The following FSTL4 variants were observed in gnomAD, a reference collection of about 807,000 sequenced individuals.
FSTL4 encodes the protein follistatin-related protein 4.
A neutral mutation model predicts 78.2 loss-of-function variants in FSTL4; 28 were observed. The observed-to-expected ratio is 0.36, with a 90% confidence interval of 0.27 to 0.49. The LOEUF (loss-of-function observed/expected upper bound fraction) is 0.49, where lower values mean the gene tolerates loss of function less well. Among genes scored for constraint, FSTL4 ranks in the 20% least tolerant of loss-of-function variants. The pLI is 0.98. For synonymous variants in FSTL4, 422 were observed against 440.5 expected, an observed-to-expected ratio of 0.96 and a Z score of 0.53; for missense variants, 922 against 1,084.9, an observed-to-expected ratio of 0.85 and a Z score of 2.11.
chr5:133,352,163 C>T (rs1561682757), intron 4 of FSTL4, among the ~76,000 whole-genome samples: 1 of 151,386 alleles, frequency 6.6e-6, no homozygotes, highest in Non-Finnish European at 1.5e-5. Flanking sequence ...GAGCATAGTA[C>T]CCAACAGGTA....
At chr5:133,602,270 AG>A (rs1451989688) in intron 2 of FSTL4, among the ~76,000 whole-genome samples, 2 of 152,126 alleles carry the variant, frequency 1.3e-5, no homozygotes, top group African/African-American at 4.8e-5. Flanking sequence ...CAGGGGAGCA[AG>A]ATAACAACCC....
chr5:133,800,988 A>G, the FSTL4 span, among the ~76,000 whole-genome samples: 1 of 152,082 alleles, frequency 6.6e-6, no homozygotes, highest in Non-Finnish European at 1.5e-5. Context: ...CGCTGCCACG[A>G]CAGGCCCTGG....
At chr5:133,648,340 A>G in the FSTL4 span, among the ~76,000 whole-genome samples, 3 of 152,364 alleles carry the variant, frequency 2.0e-5, no homozygotes, top group East Asian at 5.8e-4. Flanking sequence ...CCAAGGGGGC[A>G]GCTTTGAATT....
chr5:133,717,084 A>T, the FSTL4 span, among the ~76,000 whole-genome samples: 1 of 152,184 alleles, frequency 6.6e-6, no homozygotes, highest in Non-Finnish European at 1.5e-5. Flanking sequence ...ACAGAGCAAA[A>T]ATCTGGGGGT....
the FSTL4 span, among the ~76,000 whole-genome samples, chr5:133,790,689 G>A: frequency 2.0e-5 from 3 of 152,134 alleles, no homozygotes; most frequent in African/African-American, 4.8e-5. Context: ...ACTCCAACCT[G>A]TTCTACCCAC....
chr5:133,683,574 G>A, the FSTL4 span, among the ~76,000 whole-genome samples: 2 of 152,164 alleles, frequency 1.3e-5, no homozygotes, highest in Non-Finnish European at 2.9e-5. Context: ...ATCAAGATCC[G>A]ATTTGTTTAA....
Position 133,225,806 on chromosome 5 carries a change from G to T in FSTL4, c.1029C>A (p.Ile343=). 3 of 1,583,888 alleles carry T rather than the reference G, an allele frequency of 1.9e-6. No individual in the cohort carries two copies. The highest frequency in any genetic ancestry group is 2.6e-6 in the Non-Finnish European group (3 of 1,165,922). The part of the protein sequence containing the change: ...HVLQVNVPPV[I]RVYPESQAQE... ...GTGCCTGGCTCTCTGGATAGACACG[G>T]ATGACTGGCGGCACTGTGGGTGAGA... The change falls in exon 9 of 16, where the codon ATC becomes ATA. Residue 343 remains isoleucine, a synonymous_variant. Transcript: ENST00000265342. The surrounding 1 kb of genome is among the most constrained non-coding windows in gnomAD (Gnocchi z 4.6).
chr5:133,787,731 C>G, the FSTL4 span, among the ~76,000 whole-genome samples: 12 of 152,278 alleles, frequency 7.9e-5, no homozygotes, highest in Middle Eastern at 3.4e-3. Context: ...TGAGCTGACT[C>G]AAGTCCACAG....
intron 7 of FSTL4, among the ~76,000 whole-genome samples, chr5:133,239,521 C>G (rs111896001): frequency 6.6e-6 from 1 of 152,212 alleles, no homozygotes; most frequent in South Asian, 2.1e-4. Context: ...TGTCAACACA[C>G]GAATCAGCAC....
chr5:133,209,786 GTT>G (rs1407923489), intron 14 of FSTL4: 1 of 183,722 alleles, frequency 5.4e-6, no homozygotes. Flanking sequence ...GTGGGCTTTT[GTT>G]TACAGATATA....
At chr5:133,429,845 T>C (rs1031028264) in intron 3 of FSTL4, among the ~76,000 whole-genome samples, 1 of 152,166 alleles carries the variant, frequency 6.6e-6, no homozygotes, top group East Asian at 1.9e-4. Flanking sequence ...CACCTCAAGA[T>C]GTAACTCAAT....
intron 3 of FSTL4, among the ~76,000 whole-genome samples, chr5:133,460,203 G>A (rs1428157599): frequency 6.6e-6 from 1 of 152,090 alleles, no homozygotes; most frequent in African/African-American, 2.4e-5. Flanking sequence ...GTACATCTCT[G>A]CTTATGTTAC....
chr5:133,307,042 G>A (rs959174851), intron 6 of FSTL4, among the ~76,000 whole-genome samples: 1 of 152,188 alleles, frequency 6.6e-6, no homozygotes, highest in Non-Finnish European at 1.5e-5. Context: ...CTCTGTGCAC[G>A]GTTGTTATTC....
At chr5:133,740,311 G>A in the FSTL4 span, among the ~76,000 whole-genome samples, 1 of 152,120 alleles carries the variant, frequency 6.6e-6, no homozygotes, top group Non-Finnish European at 1.5e-5. Context: ...TCTCCTATAA[G>A]CACATGTCTT....
At chr5:133,685,327 G>T in the FSTL4 span, among the ~76,000 whole-genome samples, 1 of 152,124 alleles carries the variant, frequency 6.6e-6, no homozygotes, top group Non-Finnish European at 1.5e-5. Flanking sequence ...ATGGCTCCTC[G>T]GAAGAAACAT....
intron 2 of FSTL4, among the ~76,000 whole-genome samples, chr5:133,592,555 C>T (rs1760654578): frequency 6.6e-6 from 1 of 152,060 alleles, no homozygotes; most frequent in South Asian, 2.1e-4. Context: ...GATGTTTGTC[C>T]CCCGCCAAAC....
chr5:133,480,401 C>A (rs1758003713), intron 3 of FSTL4, among the ~76,000 whole-genome samples: 1 of 152,226 alleles, frequency 6.6e-6, no homozygotes, highest in Admixed American at 6.5e-5. Flanking sequence ...ACTTAAAATA[C>A]CACCAAAGTG....
At chr5:133,645,861 T>C in the FSTL4 span, among the ~76,000 whole-genome samples, 1 of 152,112 alleles carries the variant, frequency 6.6e-6, no homozygotes, top group East Asian at 1.9e-4. Flanking sequence ...TCTAGAGCCT[T>C]TGGAGGGAGC....
chr5:133,521,644 A>T (rs1384308145), intron 3 of FSTL4, among the ~76,000 whole-genome samples: 1 of 152,162 alleles, frequency 6.6e-6, no homozygotes, highest in Admixed American at 6.5e-5. Context: ...CTCAATAAAC[A>T]TTATTTCCTT....
Sources: allele counts gnomAD v4.1 joint callset (sites outside exome capture counted in the v4.1 genomes callset), GRCh38; gene constraint gnomAD v4.1.1; non-coding constraint Gnocchi (gnomAD v3.1); transcripts MANE v1.5; gene names NCBI Gene and HGNC (gene_info 2026-07-23, HGNC 2026-07-21).